The following G3BP2 variants were observed in gnomAD, a reference collection of about 807,000 sequenced individuals.
The protein encoded by G3BP2 is G3BP stress granule assembly factor 2.
A neutral mutation model predicts 56.7 loss-of-function variants in G3BP2; 11 were observed. That is an observed-to-expected ratio of 0.19 (90% CI 0.12 to 0.32). The LOEUF (loss-of-function observed/expected upper bound fraction) is 0.32. Ranked by LOEUF, G3BP2 falls within the 10% of genes least tolerant of loss-of-function variation. The probability of loss-of-function intolerance (pLI) is 1.00; values close to 1 mark genes in which losing one functional copy is unlikely to be tolerated. For missense variants in G3BP2, 340 were observed against 610.9 expected (o/e 0.56, Z 4.67); for synonymous variants, 165 against 191.6 (o/e 0.86, Z 1.15).
At chr4:75,674,729 T>G (rs372668902), upstream of G3BP2, among the ~76,000 whole-genome samples, 6 of 111,326 alleles carry the variant, frequency 5.4e-5, 1 homozygote, top group East Asian at 1.5e-3. Context: ...TTTTTTTTTT[T>G]TTTTTTTTTT....
chr4:75,649,324 A>T (rs764452415), intron 8 of G3BP2, among the ~76,000 whole-genome samples: 1 of 152,164 alleles, frequency 6.6e-6, no homozygotes, highest in Non-Finnish European at 1.5e-5. Context: ...AATGACAGAA[A>T]CTTATAGGAA....
chr4:75,676,109 T>C (rs1332142152), upstream of G3BP2, among the ~76,000 whole-genome samples: 1 of 152,146 alleles, frequency 6.6e-6, no homozygotes, highest in African/African-American at 2.4e-5. Flanking sequence ...CTCATAAACA[T>C]ATCTCTACAC....
chr4:75,649,655 A>G (rs1035749576), intron 8 of G3BP2, among the ~76,000 whole-genome samples: 6 of 152,222 alleles, frequency 3.9e-5, no homozygotes, highest in African/African-American at 1.4e-4. Flanking sequence ...ATGAGCCTAC[A>G]AAGGATGCTG....
At chr4:75,697,383 G>T (rs997106400) in intron 3 of G3BP2, among the ~76,000 whole-genome samples, 2 of 151,184 alleles carry the variant, frequency 1.3e-5, no homozygotes, top group African/African-American at 4.9e-5. Context: ...TAATATGGGG[G>T]AGTGATAAAA....
chr4:75,718,294 T>C (rs1370505664), intron 3 of G3BP2, among the ~76,000 whole-genome samples: 1 of 151,454 alleles, frequency 6.6e-6, no homozygotes, highest in Non-Finnish European at 1.5e-5. Flanking sequence ...TTCTTAAAAA[T>C]GGAAACACAC....
At chr4:75,647,258 A>G (rs1169188711) in intron 9 of G3BP2, 101 bp from the exon 10 acceptor site, 10 of 765,712 alleles carry the variant, frequency 1.3e-5, no homozygotes, top group Non-Finnish European at 2.0e-5. Flanking sequence ...TTCCTGTTTT[A>G]GTTTAATAAG....
intron 3 of G3BP2, among the ~76,000 whole-genome samples, chr4:75,687,741 A>G (rs1718672451): frequency 6.6e-6 from 1 of 152,206 alleles, no homozygotes; most frequent in Non-Finnish European, 1.5e-5. Flanking sequence ...AGTGACCCGT[A>G]TGACAGATGC....
intron 1 of G3BP2, among the ~76,000 whole-genome samples, chr4:75,663,336 A>C (rs1270084448): frequency 6.5e-5 from 6 of 91,868 alleles, no homozygotes; most frequent in Non-Finnish European, 1.3e-4. Flanking sequence ...GGCTCACTGC[A>C]GCCTCAACTG....
chr4:75,706,659 A>G (rs889523308), intron 3 of G3BP2, among the ~76,000 whole-genome samples: 2 of 149,778 alleles, frequency 1.3e-5, no homozygotes, highest in Non-Finnish European at 3.0e-5. Context: ...GCTGGGCAAC[A>G]AGAGCGAAAC....
intron 5 of G3BP2, among the ~76,000 whole-genome samples, chr4:75,656,394 T>C (rs546488626): frequency 6.6e-6 from 1 of 152,028 alleles, no homozygotes; most frequent in Non-Finnish European, 1.5e-5. Context: ...TTGTACTCTA[T>C]TAGAAAAAAA....
chr4:75,666,740 GAAGA>G (rs546000180), intron 1 of G3BP2, among the ~76,000 whole-genome samples: 217 of 152,280 alleles, frequency 1.4e-3, no homozygotes, highest in African/African-American at 5.1e-3. Context: ...GTGATTACAA[GAAGA>G]AAGAATTGTG....
intron 3 of G3BP2, among the ~76,000 whole-genome samples, chr4:75,704,448 G>T (rs1019035660): frequency 3.3e-5 from 5 of 151,778 alleles, no homozygotes; most frequent in African/African-American, 9.7e-5. Flanking sequence ...CTCCTGAGTA[G>T]CTGGGACCAC....
intron 1 of G3BP2, among the ~76,000 whole-genome samples, chr4:75,670,071 T>C (rs908494888): frequency 6.6e-6 from 1 of 152,166 alleles, no homozygotes; most frequent in Non-Finnish European, 1.5e-5. Context: ...TTAGTTATTA[T>C]AAAAAGAATA....
Position 75,655,139 on chromosome 4 carries a change from A to G in G3BP2, c.653T>C (p.Leu218Ser). Residue 218 changes from leucine to serine, a missense_variant, in exon 7 of 12, where the codon TTA (leucine) becomes TCA (serine). By Grantham distance (145) the Leu-to-Ser change is moderately radical (BLOSUM62 -2). Coordinates refer to ENST00000359707, the MANE Select transcript of G3BP2 (RefSeq NM_203505.3). ...ELKPQVEEKN[L>S]EELEEKSTTP... ...AGTAGATTTCTCCTCTAGTTCTTCT[A>G]AGTTCTTCTCCTCCACTTGTGGTTT... 1 of 1,613,366 alleles carries G rather than the reference A, an allele frequency of 6.2e-7. No individual in the cohort carries two copies. Among genetic ancestry groups the G allele is most frequent in the Non-Finnish European group, 8.5e-7 (1 of 1,179,326 alleles).
At chr4:75,672,253 T>C (rs984577523) in intron 1 of G3BP2, among the ~76,000 whole-genome samples, 2 of 152,094 alleles carry the variant, frequency 1.3e-5, no homozygotes, top group Non-Finnish European at 2.9e-5. Context: ...AAAAAGCTGA[T>C]CTATGCAGGA....
Position 75,661,990 on chromosome 4 carries a change from C to A in G3BP2, c.36G>T (p.Gly12=). The A allele has an allele frequency of 1.2e-6, 2 of 1,612,088 alleles. No individual in the cohort carries two copies. The highest frequency in any genetic ancestry group is 8.5e-7 in the Non-Finnish European group (1 of 1,178,298). ...VMEKPSPLLV[G]REFVRQYYTL... is the part of the protein sequence containing the mutation. ...TATAATATTGCCTCACAAACTCCCG[C>A]CCTACAAGCAGCGGACTGGGCTTCT... is the stretch of plus-strand genomic sequence containing the variant. Residue 12 remains glycine (G), a synonymous_variant, in exon 2 of 12, where the codon GGG becomes GGT. Coordinates refer to ENST00000359707, the MANE Select transcript of G3BP2 (RefSeq NM_203505.3).
chr4:75,691,183 G>A (rs749957714), intron 3 of G3BP2, among the ~76,000 whole-genome samples: 1 of 151,708 alleles, frequency 6.6e-6, no homozygotes, highest in African/African-American at 2.4e-5. Flanking sequence ...AGGTTCAAGC[G>A]ATTCTCCTGC....
intron 1 of G3BP2, among the ~76,000 whole-genome samples, chr4:75,722,341 A>G (rs1720208195): frequency 6.6e-6 from 1 of 152,240 alleles, no homozygotes; most frequent in Non-Finnish European, 1.5e-5. Flanking sequence ...TACTCACTGA[A>G]GTACAGTAAC....
At chr4:75,679,283 G>C (rs1242273891) in intron 3 of G3BP2, among the ~76,000 whole-genome samples, 2 of 152,222 alleles carry the variant, frequency 1.3e-5, no homozygotes, top group Non-Finnish European at 2.9e-5. Flanking sequence ...TTAATGCACA[G>C]AGAAACCTAC....
Sources: gnomAD v4.1 joint callset for allele counts (sites outside exome capture counted in the v4.1 genomes callset) on GRCh38, gnomAD v4.1.1 for gene constraint, MANE v1.5 for transcripts, NCBI Gene and HGNC (gene_info 2026-07-23, HGNC 2026-07-21) for gene names.